WASHC5: variants seen among roughly 807,000 people sequenced by gnomAD.
WASHC5 encodes the protein WASH complex subunit strumpellin.
Under a neutral mutation model 150.4 loss-of-function variants are expected in WASHC5, and 101 were observed. The ratio of observed to expected loss-of-function variants is 0.67; its 90% CI spans 0.57 to 0.79. The LOEUF is 0.79. Ranked by LOEUF, WASHC5 falls within the 30% of genes least tolerant of loss-of-function variation. The pLI is 0.00. For synonymous variants in WASHC5, 467 were observed against 491.2 expected (o/e 0.95, Z 0.65); for missense variants, 1,195 against 1,396.3 (o/e 0.86, Z 2.30).
chr8:125,061,058 T>G, intron 12 of WASHC5, 24 bp downstream of exon 12: 1 of 1,339,226 alleles, frequency 7.5e-7, no homozygotes, highest in Non-Finnish European at 1.1e-6. Flanking sequence ...TCCAAGAACC[T>G]GCATTTAAAA....
At chr8:125,085,393 A>T (rs1355417647) in intron 1 of WASHC5, among the ~76,000 whole-genome samples, 2 of 152,190 alleles carry the variant, frequency 1.3e-5, no homozygotes, top group African/African-American at 4.8e-5. Flanking sequence ...ATGGTAAATG[A>T]CTTAGAAGAT....
At position 125,047,255 on chromosome 8, in the gene WASHC5, G is replaced by A. The variant is rs758757574; in HGVS notation, c.2456C>T (p.Thr819Met). ...TTCTCTGCAGAGTCGACCAATAAAC[G>A]TTACAGACTCATCCACAGGGGTAAA... The part of the protein sequence containing the change: ...PKFTPVDESV[T>M]FIGRLCREIL... Residue 819 changes from threonine (T) to methionine (M), a missense_variant, in exon 20 of 29, where the codon ACG (threonine) becomes ATG (methionine). Thr to Met is a moderately conservative substitution (Grantham distance 81). This residue lies in a region of WASHC5 where 997 missense variants were observed against 1,168.1 expected (regional missense o/e 0.85). Transcript: ENST00000318410. 18 of 1,614,076 alleles carry A rather than the reference G, an allele frequency of 1.1e-5. No homozygotes were observed. Among genetic ancestry groups the A allele is most frequent in the Admixed American group, 1.7e-5 (1 of 60,022 alleles).
At chr8:125,081,574 G>C (rs1424209496) in intron 5 of WASHC5, 87 bp downstream of exon 5, 3 of 807,852 alleles carry the variant, frequency 3.7e-6, no homozygotes, top group Non-Finnish European at 6.6e-6. Flanking sequence ...TTGGATTACT[G>C]CTGTTCACAG....
intron 14 of WASHC5, among the ~76,000 whole-genome samples, 172 bp from the exon 15 acceptor site, chr8:125,057,838 G>A (rs965495801): frequency 1.3e-5 from 2 of 151,982 alleles, no homozygotes; most frequent in African/African-American, 4.8e-5. Flanking sequence ...GATGGCAGTG[G>A]TTCTTAAACT....
intron 23 of WASHC5, among the ~76,000 whole-genome samples, chr8:125,041,374 TC>T (rs917867868): frequency 6.6e-6 from 1 of 152,168 alleles, no homozygotes; most frequent in Non-Finnish European, 1.5e-5. Flanking sequence ...AGACAGGGGC[TC>T]ACGCCTGCAA....
chr8:125,086,923 A>G (rs1183100788), intron 1 of WASHC5, among the ~76,000 whole-genome samples: 1 of 152,186 alleles, frequency 6.6e-6, no homozygotes, highest in East Asian at 1.9e-4. Context: ...GACCTGGTCC[A>G]CTCAGCCCCC....
chr8:125,078,988 A>C, intron 5 of WASHC5, 58 bp from the exon 6 acceptor site: 1 of 1,383,034 alleles, frequency 7.2e-7, no homozygotes, highest in Non-Finnish European at 1.0e-6. Context: ...AGAAACTGAA[A>C]AGTCCAATAA....
chr8:125,068,763 T>A lies in WASHC5; in HGVS notation c.1151-1044A>T, dbSNP rs550374737. ...GGCAGGCAGTCAGAGTTTTCTGAACTATCCACTACCCAGGCACTAGGCCAA... is the reference window on the plus strand; with the variant it reads ...GGCAGGCAGTCAGAGTTTTCTGAACAATCCACTACCCAGGCACTAGGCCAA... On this transcript the variant is annotated intron_variant, in intron 9 of 28. Transcript: ENST00000318410. Among the ~76,000 whole-genome samples the A allele has an allele frequency of 4.6e-5, 7 of 152,358 alleles. 1 individual carries two copies. The South Asian group carries it at 1.4e-3, about 32-fold the overall frequency.
At chr8:125,068,161 T>C (rs563966220) in intron 9 of WASHC5, among the ~76,000 whole-genome samples, 1 of 152,328 alleles carries the variant, frequency 6.6e-6, no homozygotes, top group East Asian at 1.9e-4. Context: ...GAGGCCTGTT[T>C]GCAAGGTTGG....
intron 26 of WASHC5, among the ~76,000 whole-genome samples, chr8:125,034,635 T>C (rs1815644754): frequency 1.3e-5 from 2 of 152,162 alleles, no homozygotes; most frequent in Non-Finnish European, 2.9e-5. Flanking sequence ...GGGTTGGCAG[T>C]TTCTTATCAA....
intron 12 of WASHC5, 104 bp downstream of exon 12, chr8:125,060,978 T>A: frequency 1.4e-6 from 1 of 713,538 alleles, no homozygotes; most frequent in Admixed American, 2.0e-5. Context: ...CTTTTACTTC[T>A]GATGAAATAG....
chr8:125,033,410 C>T lies in WASHC5; in HGVS notation c.3182-1016G>A, dbSNP rs188446962. Among the ~76,000 whole-genome samples, 25 of 152,218 alleles carry T rather than the reference C, an allele frequency of 1.6e-4. No homozygotes were observed. In the East Asian group the frequency reaches 3.3e-3, roughly 20 times the overall value. On this transcript the variant is annotated intron_variant, in intron 26 of 28. Transcript: ENST00000318410. ...GAAACTGGATAGTCTTATGGGGGAA[C>T]GACAAACCTTGACCCCTATCTCATA...
rs781671238 is a variant in WASHC5, at chr8:125,057,636, G to A, written c.1795C>T (p.Arg599Cys). ...TCGGGGCTATTTGCCTGATTAATAC[G>A]AAGAAGGGGCAGATCGAGGGCAGAG... ...LASALDLPLL[R>C]INQANSPDLL... Residue 599 changes from arginine to cysteine, a missense_variant, in exon 15 of 29, where the codon CGT becomes TGT. Physicochemically the swap from Arg to Cys is radical, Grantham distance 180. This residue lies in a region of WASHC5 where 997 missense variants were observed against 1,168.1 expected (regional missense o/e 0.85). Coordinates refer to ENST00000318410, the MANE Select transcript of WASHC5 (RefSeq NM_014846.4). 8 of 1,613,580 alleles carry A rather than the reference G, an allele frequency of 5.0e-6. No homozygotes were observed. Among genetic ancestry groups the A allele is most frequent in the Admixed American group, 1.7e-5 (1 of 59,980 alleles).
intron 26 of WASHC5, among the ~76,000 whole-genome samples, chr8:125,035,109 C>A (rs999070802): frequency 6.6e-6 from 1 of 152,180 alleles, no homozygotes; most frequent in African/African-American, 2.4e-5. Context: ...TGAATACCCA[C>A]AAAGATACCA....
rs183287671 is a variant in WASHC5, at chr8:125,051,504, C to T, written c.2098-839G>A. Among the ~76,000 whole-genome samples the T allele has an allele frequency of 3.9e-5, 6 of 152,314 alleles. No homozygotes were observed. The East Asian group carries it at 9.6e-4, about 24-fold the overall frequency. On this transcript the variant is annotated intron_variant, in intron 17 of 28. Coordinates refer to ENST00000318410, the MANE Select transcript of WASHC5 (RefSeq NM_014846.4). Reference sequence around the variant, plus strand: ...AAAGCCAGAGAAACACATTAAACTACGTCAAGATCGTTCAATCAGGGAAAT... The same window carrying T: ...AAAGCCAGAGAAACACATTAAACTATGTCAAGATCGTTCAATCAGGGAAAT...
rs6991343 is a variant in WASHC5 at position 125,082,916 on chromosome 8, A to G, written c.332+197T>C. On this transcript the variant is annotated intron_variant, in intron 3 of 28. Coordinates refer to ENST00000318410, the MANE Select transcript of WASHC5 (RefSeq NM_014846.4). ...TAAACTAAGTTTATTACAACACCTC[A>G]TAAGAGCAGGACATTATAGTAAAAC... The G allele has an allele frequency of 0.2, 98,285 of 493,870 alleles. 11,140 individuals are homozygous for G. Among genetic ancestry groups the G allele is most frequent in the Admixed American group, 0.35 (9,266 of 26,444 alleles). 30.6% of individuals were successfully genotyped at this position (493,870 alleles called of 1,614,324 possible).
intron 1 of WASHC5, among the ~76,000 whole-genome samples, chr8:125,085,735 G>A (rs1457213810): frequency 6.6e-6 from 1 of 152,156 alleles, no homozygotes; most frequent in East Asian, 1.9e-4. Flanking sequence ...CAGATAGCAG[G>A]GGTGAGCAGA....
chr8:125,075,020 T>C lies in WASHC5; in HGVS notation c.956A>G (p.Asp319Gly), dbSNP rs544167764. Residue 319 changes from aspartate to glycine, a missense_variant, in exon 8 of 29, where the codon GAC becomes GGC. Physicochemically the swap from Asp to Gly is moderately conservative, Grantham distance 94. Coordinates refer to ENST00000318410, the MANE Select transcript of WASHC5 (RefSeq NM_014846.4). ...AAKTALNNTL[D>G]LSNVREQASR... ...TACCTGTTCTCTGACATTTGAAAGG[T>C]CCAGGGTATTATTTAAAGCAGTTTT... 4 of 1,610,476 alleles carry C rather than the reference T, an allele frequency of 2.5e-6. No individual in the cohort carries two copies. The South Asian group carries it at 4.4e-5, about 18-fold the overall frequency.
Position 125,084,020 on chromosome 8 carries a change from A to T in WASHC5, c.-122T>A. 1 of 905,740 alleles carries T rather than the reference A, an allele frequency of 1.1e-6. No homozygotes were observed. The highest frequency in any genetic ancestry group is 1.4e-5 in the South Asian group (1 of 69,926). 56.1% of individuals were successfully genotyped at this position (905,740 alleles called of 1,614,324 possible). ...AGAGAGATTGGCTCCTCCATTAAAG[A>T]ACCTGTATCCCCAAAAAAAGTGTGA... On this transcript the variant is annotated splice_region_variant and 5_prime_UTR_variant, in exon 2 of 29. Coordinates refer to ENST00000318410, the MANE Select transcript of WASHC5 (RefSeq NM_014846.4).
Sources: allele counts gnomAD v4.1 joint callset (sites outside exome capture counted in the v4.1 genomes callset), GRCh38; gene constraint gnomAD v4.1.1; regional missense constraint gnomAD v4.1.1; transcripts MANE v1.5; gene names NCBI Gene and HGNC (gene_info 2026-07-23, HGNC 2026-07-21).